The following IL6ST variants were observed in gnomAD, a reference collection of about 807,000 sequenced individuals.
The protein encoded by IL6ST is interleukin-6 receptor subunit beta.
A neutral mutation model predicts 91.3 loss-of-function variants in IL6ST; 24 were observed. The observed-to-expected ratio is 0.26, with a 90% CI of 0.19 to 0.37. The LOEUF (loss-of-function observed/expected upper bound fraction) is 0.37, where lower values mean the gene tolerates loss of function less well. Ranked by LOEUF, IL6ST falls within the 10% of genes least tolerant of loss-of-function variation. IL6ST has a pLI of 1.00. For missense variants in IL6ST, 914 were observed against 1,078.5 expected (o/e 0.85, Z 2.14); for synonymous variants, 351 against 373.6 (o/e 0.94, Z 0.70).
rs1428504395 is a variant in IL6ST, at chr5:55,938,080, AAT to A, written c.*3000_*3001del. ...TTCTCAAACTAGATGCTCTACTTTA[AAT>A]ATGAGCTTTAATGAATGTTTTGTAA... On this transcript the variant is annotated 3_prime_UTR_variant, in exon 17 of 17. Transcript: ENST00000381298. 1 of 189,934 alleles carries A rather than the reference AAT, an allele frequency of 5.3e-6. No homozygotes were observed. Among genetic ancestry groups the A allele is most frequent in the Non-Finnish European group, 1.1e-5 (1 of 90,400 alleles). The allele number at this position is 189,934 out of a possible 1,614,324, so 11.8% of individuals were successfully genotyped here. A position where few individuals can be genotyped will look rare whatever the true frequency, so the allele number is the denominator to read the frequency against.
In IL6ST at chr5:55,969,201, G is replaced by A. The variant is rs537173992; in HGVS notation, c.370+349C>T. Among the ~76,000 whole-genome samples, 8 of 151,338 alleles carry A rather than the reference G, an allele frequency of 5.3e-5. No individual in the cohort carries two copies. In the South Asian group the frequency reaches 1.5e-3, roughly 28 times the overall value. On this transcript the variant is annotated intron_variant, in intron 4 of 16. Transcript: ENST00000381298. ...GACTCTGTCACCAAAAAAAAAAAAA[G>A]GATTTACTCCAGTATTTGTTCGCTT...
intron 1 of IL6ST, among the ~76,000 whole-genome samples, chr5:55,990,424 G>T (rs1754250627): frequency 6.6e-6 from 1 of 152,100 alleles, no homozygotes; most frequent in South Asian, 2.1e-4. Flanking sequence ...TAATGTAGTT[G>T]AATTCTTTCC....
At position 55,981,850 on chromosome 5, in the gene IL6ST, A is replaced by G. The variant is rs921481505; in HGVS notation, c.-16+874T>C. Among the ~76,000 whole-genome samples the G allele has an allele frequency of 4.6e-5, 7 of 152,328 alleles. No individual in the cohort carries two copies. In the East Asian group the frequency reaches 5.8e-4, roughly 13 times the overall value. ...TTTGCAGGTAACTTGAGAAGCTTCT[A>G]TGAAGCCAAAACCTAACTAGTAACC... is the stretch of plus-strand genomic sequence containing the variant. On this transcript the variant is annotated intron_variant, in intron 2 of 16. Coordinates refer to ENST00000381298, the MANE Select transcript of IL6ST (RefSeq NM_002184.4).
In IL6ST at chr5:55,939,559, G is replaced by A. The variant is rs190223623; in HGVS notation, c.*1523C>T. 20 of 205,076 alleles carry A rather than the reference G, an allele frequency of 9.8e-5. No homozygotes were observed. The highest frequency in any genetic ancestry group is 3.6e-4 in the Admixed American group (6 of 16,846). The allele number at this position is 205,076 out of a possible 1,614,324, so 12.7% of individuals were successfully genotyped here. On this transcript the variant is annotated 3_prime_UTR_variant, in exon 17 of 17. Coordinates refer to ENST00000381298, the MANE Select transcript of IL6ST (RefSeq NM_002184.4). Reference sequence around the variant, plus strand: ...AACCTCTAGAAACTATTCTAAGCATGCCTGGTTTCTGTAACTTAAATATGG... The same window carrying A: ...AACCTCTAGAAACTATTCTAAGCATACCTGGTTTCTGTAACTTAAATATGG...
In IL6ST at chr5:55,940,099, C is replaced by T. The variant is rs149188100; in HGVS notation, c.*983G>A. ...ATAAAGTGTTCATCTACCCAGTACT[C>T]TGAAGTCTTAAGAAAAGTCAATGAT... On this transcript the variant is annotated 3_prime_UTR_variant, in exon 17 of 17. Coordinates refer to ENST00000381298, the MANE Select transcript of IL6ST (RefSeq NM_002184.4). 6 of 194,064 alleles carry T rather than the reference C, an allele frequency of 3.1e-5. No homozygotes were observed. The East Asian group carries it at 4.8e-4, about 16-fold the overall frequency. 12.0% of individuals were successfully genotyped at this position (194,064 alleles called of 1,614,324 possible).
chr5:55,969,151 C>A (rs368096947), intron 4 of IL6ST, among the ~76,000 whole-genome samples: 1 of 149,538 alleles, frequency 6.7e-6, no homozygotes, highest in Non-Finnish European at 1.5e-5. Context: ...GATGCCACTG[C>A]ACTCCAGCCT....
chr5:55,970,463 G>A (rs531211591), intron 3 of IL6ST, among the ~76,000 whole-genome samples: 2 of 152,244 alleles, frequency 1.3e-5, no homozygotes, highest in East Asian at 3.9e-4. Flanking sequence ...GAGGCAAGAG[G>A]ATCGCTCGAG....
At chr5:55,951,637 T>TTCATTCAACTTC in intron 13 of IL6ST, 33 bp from the exon 14 acceptor site, 1 of 1,584,228 alleles carries the variant, frequency 6.3e-7, no homozygotes, top group Admixed American at 1.9e-5. Flanking sequence ...TTCATTCAAC[T>TTCATTCAACTTC]ATTCAATGCT....
intron 1 of IL6ST, among the ~76,000 whole-genome samples, chr5:55,992,426 T>G (rs957399273): frequency 4.6e-5 from 7 of 152,190 alleles, no homozygotes; most frequent in Non-Finnish European, 1.0e-4. Context: ...GCTGGGCAAA[T>G]TAATTAACCT....
chr5:55,977,553 C>T (rs564640533), intron 2 of IL6ST, among the ~76,000 whole-genome samples: 4 of 152,052 alleles, frequency 2.6e-5, no homozygotes, highest in African/African-American at 4.8e-5. Flanking sequence ...TGGCAGGACG[C>T]GATGGCTCAC....
At chr5:55,969,118 C>G (rs1752805281) in intron 4 of IL6ST, among the ~76,000 whole-genome samples, 1 of 151,676 alleles carries the variant, frequency 6.6e-6, no homozygotes, top group Non-Finnish European at 1.5e-5. Flanking sequence ...TTGCTTGAAC[C>G]CGGGAGGGCA....
chr5:55,958,751 A>T (rs1234429239), intron 8 of IL6ST, among the ~76,000 whole-genome samples: 1 of 151,164 alleles, frequency 6.6e-6, no homozygotes, highest in African/African-American at 2.4e-5. Flanking sequence ...AGGCATGAGG[A>T]TCGCTTCAGC....
intron 13 of IL6ST, 22 bp downstream of exon 13, chr5:55,951,907 A>G (rs1349763927): frequency 1.5e-6 from 2 of 1,329,782 alleles, no homozygotes; most frequent in Non-Finnish European, 2.1e-6. Context: ...CTGATTCTTA[A>G]TAACTGATAC....
chr5:55,973,760 G>A (rs2111839850), intron 3 of IL6ST, among the ~76,000 whole-genome samples: 1 of 152,298 alleles, frequency 6.6e-6, no homozygotes, highest in East Asian at 1.9e-4. Flanking sequence ...GAGTATTTGT[G>A]AGGCAGCAAC....
At chr5:55,947,710 C>A (rs183856087) in intron 14 of IL6ST, 121 bp from the exon 15 acceptor site, 17 of 609,280 alleles carry the variant, frequency 2.8e-5, no homozygotes, top group African/African-American at 2.5e-4. Flanking sequence ...AAAATACAAT[C>A]CTAATTATTT....
At position 55,978,443 on chromosome 5, in the gene IL6ST, G is replaced by A. The variant is rs1369432935; in HGVS notation, c.-15-2150C>T. 3 of 152,316 alleles carry A rather than the reference G, an allele frequency of 2.0e-5. 1 individual carries two copies. Among genetic ancestry groups the A allele is most frequent in the Non-Finnish European group, 4.4e-5 (3 of 68,156 alleles). The allele number at this position is 152,316 out of a possible 1,614,324, so 9.4% of individuals were successfully genotyped here. A position where few individuals can be genotyped will look rare whatever the true frequency, so the allele number is the denominator to read the frequency against. On this transcript the variant is annotated intron_variant, in intron 2 of 16. Coordinates refer to ENST00000381298, the MANE Select transcript of IL6ST (RefSeq NM_002184.4). ...CCTTCCAACATTCTTTAAAAGGTAA[G>A]TTGGCTGGGCATGGTGGCTCACGCC...
chr5:55,983,932 T>C (rs1172042753), intron 1 of IL6ST, among the ~76,000 whole-genome samples: 2 of 152,190 alleles, frequency 1.3e-5, no homozygotes, highest in Admixed American at 6.5e-5. Flanking sequence ...AGTAATTCCT[T>C]GTAGCCTTTG....
intron 14 of IL6ST, among the ~76,000 whole-genome samples, chr5:55,951,167 A>T (rs1375473483): frequency 1.3e-5 from 2 of 152,116 alleles, no homozygotes; most frequent in Admixed American, 6.5e-5. Context: ...GAAAGAAATG[A>T]GGATAGAGAA....
At chr5:55,960,845 G>C (rs1209800913) in intron 7 of IL6ST, among the ~76,000 whole-genome samples, 1 of 152,004 alleles carries the variant, frequency 6.6e-6, no homozygotes, top group Admixed American at 6.6e-5. Context: ...TGGCCGGGCT[G>C]GTCTGTAACT....
Sources: allele counts gnomAD v4.1 joint callset (sites outside exome capture counted in the v4.1 genomes callset), GRCh38; gene constraint gnomAD v4.1.1; transcripts MANE v1.5; gene names NCBI Gene and HGNC (gene_info 2026-07-23, HGNC 2026-07-21).